DOCK7: variants seen among roughly 807,000 people sequenced by gnomAD.
DOCK7 encodes dedicator of cytokinesis protein 7.
Under a neutral mutation model 271.0 loss-of-function variants are expected in DOCK7, and 138 were observed. The observed-to-expected ratio is 0.51, with a 90% CI of 0.44 to 0.59. DOCK7 has a LOEUF of 0.59. Among genes scored for constraint, DOCK7 ranks in the 20% least tolerant of loss-of-function variants. The probability of loss-of-function intolerance (pLI) is 0.00; values close to 1 mark genes in which losing one functional copy is unlikely to be tolerated. For missense variants in DOCK7, 2,066 were observed against 2,592.4 expected, an observed-to-expected ratio of 0.80 and a Z score of 4.41; for synonymous variants, 823 against 876.1, an observed-to-expected ratio of 0.94 and a Z score of 1.07.
At position 62,475,896 on chromosome 1, in the gene DOCK7, C is replaced by T. The variant is rs1571222064; in HGVS notation, c.5772G>A (p.Glu1924=). The T allele has an allele frequency of 3.1e-6, 5 of 1,614,022 alleles. No homozygotes were observed. The South Asian group carries it at 3.3e-5, about 11-fold the overall frequency. The part of the protein sequence containing the change: ...TYVEPYFDTY[E]MKDRITYFDK... ...CGAAATAGGTGATTCTGTCCTTCAT[C>T]TCATATGTGTCAAAGTATGGCTCCA... Residue 1924 remains glutamate (E), a synonymous_variant, in exon 46 of 50, where the codon GAG becomes GAA. Coordinates refer to ENST00000635253, the MANE Select transcript of DOCK7 (RefSeq NM_001367561.1).
intron 43 of DOCK7, chr1:62,486,163 T>C (rs1037608669): frequency 7.2e-5 from 11 of 152,104 alleles, no homozygotes; most frequent in Admixed American, 5.9e-4. Context: ...AACTGAGCCA[T>C]AGGAATGAGG....
intron 29 of DOCK7, among the ~76,000 whole-genome samples, chr1:62,531,442 C>T (rs570809545): frequency 3.0e-4 from 46 of 152,240 alleles, no homozygotes; most frequent in Admixed American, 5.2e-4. Flanking sequence ...GAGAGAAACA[C>T]GGACACAAAC....
In DOCK7 at chr1:62,601,133, C is replaced by A; in HGVS notation, c.1683-14509G>T. The A allele has an allele frequency of 6.2e-7, 1 of 1,610,700 alleles. No homozygotes were observed. Among genetic ancestry groups the A allele is most frequent in the Non-Finnish European group, 8.5e-7 (1 of 1,177,518 alleles). The stretch of plus-strand genomic sequence containing the variant: ...CACAGAAATTTCTCTATCTTCCAAG[C>A]CAAGAGCACCAAGAACTACTCCCTT... On this transcript the variant is annotated intron_variant, in intron 14 of 49. Transcript: ENST00000635253.
At chr1:62,494,962 A>T (rs2149300438) in intron 39 of DOCK7, 1 of 152,710 alleles carries the variant, frequency 6.5e-6, no homozygotes, top group South Asian at 2.1e-4. Flanking sequence ...TTAATACAAT[A>T]CGATTTATGG....
At chr1:62,601,157 T>G in intron 14 of DOCK7, 1 of 1,610,590 alleles carries the variant, frequency 6.2e-7, no homozygotes, top group Non-Finnish European at 8.5e-7. Flanking sequence ...AACTACTCCC[T>G]TTCTTCAGTT....
chr1:62,544,467 G>C (rs1353695324), intron 23 of DOCK7, among the ~76,000 whole-genome samples: 1 of 152,148 alleles, frequency 6.6e-6, no homozygotes, highest in Non-Finnish European at 1.5e-5. Flanking sequence ...ATCATATACT[G>C]TTCACATTCA....
chr1:62,680,157 C>G (rs2149770923), intron 1 of DOCK7, among the ~76,000 whole-genome samples: 1 of 152,228 alleles, frequency 6.6e-6, no homozygotes, highest in African/African-American at 2.4e-5. Flanking sequence ...GCTACAGTAA[C>G]CAAAACAGCA....
At chr1:62,682,262 A>G (rs753846099) in intron 1 of DOCK7, among the ~76,000 whole-genome samples, 1 of 152,242 alleles carries the variant, frequency 6.6e-6, no homozygotes, top group Non-Finnish European at 1.5e-5. Context: ...GCACAATCCC[A>G]TGATGAAAGC....
chr1:62,529,165 TC>T (rs1645101622), intron 30 of DOCK7, 111 bp downstream of exon 30: 1 of 1,058,132 alleles, frequency 9.5e-7, no homozygotes, highest in African/African-American at 1.6e-5. Context: ...TTTACTTTGA[TC>T]AGCACACAAT....
chr1:62,529,979 A>C (rs1190344927), intron 29 of DOCK7, among the ~76,000 whole-genome samples: 2 of 152,192 alleles, frequency 1.3e-5, no homozygotes, highest in African/African-American at 4.8e-5. Context: ...GGGTCCTTAC[A>C]ACTTTTTTAG....
In DOCK7 at chr1:62,504,695, T is replaced by C. The variant is rs1646889029; in HGVS notation, c.4699A>G (p.Thr1567Ala). The C allele has an allele frequency of 6.2e-7, 1 of 1,614,180 alleles. No homozygotes were observed. Among genetic ancestry groups the C allele is most frequent in the Non-Finnish European group, 8.5e-7 (1 of 1,180,032 alleles). The change falls in exon 37 of 50, where the codon ACA (threonine) becomes GCA (alanine). Residue 1567 changes from threonine (T) to alanine (A), a missense_variant. Coordinates refer to ENST00000635253, the MANE Select transcript of DOCK7 (RefSeq NM_001367561.1). ...LLRHCSSSIGTIRSHASASLY... is the reference protein window; with the variant it reads ...LLRHCSSSIGAIRSHASASLY... The stretch of plus-strand genomic sequence containing the variant: ...GAGGCACTGGCGTGTGACCGTATTG[T>C]ACCGATGCTACTGCTACAGTGTCGG...
At chr1:62,462,949 T>C (rs1645574673) in intron 48 of DOCK7, among the ~76,000 whole-genome samples, 1 of 120,574 alleles carries the variant, frequency 8.3e-6, no homozygotes, top group Non-Finnish European at 1.9e-5. Context: ...CCCCCACCCT[T>C]TGTTTAACCT....
chr1:62,569,631 T>TA (rs1646700093), intron 18 of DOCK7, among the ~76,000 whole-genome samples: 1 of 151,840 alleles, frequency 6.6e-6, no homozygotes, highest in African/African-American at 2.4e-5. Flanking sequence ...GCCAATATCA[T>TA]ACTGAATGGG....
intron 37 of DOCK7, among the ~76,000 whole-genome samples, chr1:62,503,238 T>A (rs1018928800): frequency 6.6e-6 from 1 of 151,344 alleles, no homozygotes; most frequent in African/African-American, 2.4e-5. Context: ...ATAATGTAAT[T>A]AATAAGGTGT....
intron 31 of DOCK7, among the ~76,000 whole-genome samples, chr1:62,521,791 C>T (rs998848531): frequency 1.3e-5 from 2 of 151,968 alleles, no homozygotes; most frequent in Non-Finnish European, 1.5e-5. Flanking sequence ...GTCTGGCCAA[C>T]GTAGTGAAAC....
intron 2 of DOCK7, among the ~76,000 whole-genome samples, chr1:62,660,933 T>C (rs142009097): frequency 0.018 from 2,804 of 152,144 alleles, 39 homozygotes; most frequent in Middle Eastern, 0.061. Flanking sequence ...ACCCTGTCTC[T>C]ATAAAAAATA....
intron 29 of DOCK7, 72 bp downstream of exon 29, chr1:62,535,421 G>T: frequency 7.7e-7 from 1 of 1,296,082 alleles, no homozygotes. Context: ...CTCAGGAAAT[G>T]TGAGTGGAAT....
At chr1:62,577,464 T>C (rs1646973541) in intron 17 of DOCK7, 101 bp from the exon 18 acceptor site, 1 of 647,820 alleles carries the variant, frequency 1.5e-6, no homozygotes, top group Non-Finnish European at 2.4e-6. Context: ...ATTTGTCCCA[T>C]ATCATCAAAC....
At chr1:62,518,757 C>G (rs1347426732) in intron 31 of DOCK7, among the ~76,000 whole-genome samples, 1 of 149,740 alleles carries the variant, frequency 6.7e-6, no homozygotes, top group Non-Finnish European at 1.5e-5. Context: ...GCAACAACAA[C>G]AAGAAGTCAA....
Sources: allele counts gnomAD v4.1 joint callset (sites outside exome capture counted in the v4.1 genomes callset), GRCh38; gene constraint gnomAD v4.1.1; transcripts MANE v1.5; gene names NCBI Gene and HGNC (gene_info 2026-07-23, HGNC 2026-07-21).